QTMAN: variants seen among roughly 807,000 people sequenced by gnomAD.
The protein encoded by QTMAN is queuosine-tRNA mannosyltransferase, also known as tRNA-queuosine alpha-mannosyltransferase.
chr2:144,046,379 T>C, the QTMAN span, among the ~76,000 whole-genome samples: 1 of 152,230 alleles, frequency 6.6e-6, no homozygotes, highest in East Asian at 1.9e-4. Flanking sequence ...AGGTTAGATA[T>C]GATCCACTAT....
chr2:143,956,119 T>C, the QTMAN span, among the ~76,000 whole-genome samples: 1 of 152,230 alleles, frequency 6.6e-6, no homozygotes, highest in African/African-American at 2.4e-5. Flanking sequence ...GGATAACTTC[T>C]GTGTATCTGA....
chr2:143,949,546 A>G, the QTMAN span, among the ~76,000 whole-genome samples: 1 of 151,978 alleles, frequency 6.6e-6, no homozygotes, highest in South Asian at 2.1e-4. Flanking sequence ...TAAAAGGAAC[A>G]AATTAAAGAA....
the QTMAN span, among the ~76,000 whole-genome samples, chr2:144,026,396 C>T: frequency 1.3e-5 from 2 of 152,140 alleles, no homozygotes; most frequent in Non-Finnish European, 2.9e-5. Flanking sequence ...GACTGCACCA[C>T]TGCACTCCAG....
At chr2:143,943,322 T>A in the QTMAN span, 2 of 152,200 alleles carry the variant, frequency 1.3e-5, no homozygotes, top group Non-Finnish European at 2.9e-5. Context: ...AAGTCAGTGG[T>A]TTATAATATA....
At chr2:144,329,049 G>C in the QTMAN span, among the ~76,000 whole-genome samples, 6 of 151,944 alleles carry the variant, frequency 3.9e-5, no homozygotes, top group African/African-American at 1.5e-4. Flanking sequence ...AGACCAGCTT[G>C]GCCAACATGG....
the QTMAN span, among the ~76,000 whole-genome samples, chr2:143,994,155 G>A: frequency 6.6e-6 from 1 of 152,110 alleles, no homozygotes; most frequent in Non-Finnish European, 1.5e-5. Context: ...GGATAACAAG[G>A]AGATTTTACA....
chr2:144,042,597 C>A, the QTMAN span, among the ~76,000 whole-genome samples: 1 of 151,500 alleles, frequency 6.6e-6, no homozygotes, highest in East Asian at 2.0e-4. Context: ...CTACAAAAAA[C>A]AAACAAACAA....
chr2:144,058,427 T>A, the QTMAN span, among the ~76,000 whole-genome samples: 8,831 of 152,242 alleles, frequency 0.058, 861 homozygotes, highest in African/African-American at 0.2. Context: ...GTACTGCCTT[T>A]TTCTTAACCC....
At chr2:144,189,609 C>CTT in the QTMAN span, among the ~76,000 whole-genome samples, 2 of 151,996 alleles carry the variant, frequency 1.3e-5, no homozygotes, top group African/African-American at 4.8e-5. Flanking sequence ...ACTGCCTTCT[C>CTT]TTTTCTTTTT....
chr2:143,988,241 CAT>C, the QTMAN span, among the ~76,000 whole-genome samples: 2 of 152,208 alleles, frequency 1.3e-5, no homozygotes, highest in African/African-American at 4.8e-5. Context: ...GCCAGCATGA[CAT>C]AGGTGGTGCT....
the QTMAN span, among the ~76,000 whole-genome samples, chr2:144,305,313 T>G: frequency 6.6e-6 from 1 of 152,226 alleles, no homozygotes; most frequent in Admixed American, 6.5e-5. Flanking sequence ...TTTATTCTTT[T>G]GCTAGTGGAT....
At chr2:144,232,847 T>C in the QTMAN span, among the ~76,000 whole-genome samples, 2 of 152,178 alleles carry the variant, frequency 1.3e-5, no homozygotes, top group African/African-American at 2.4e-5. Flanking sequence ...AAATCATCTC[T>C]TTAAAATTCA....
chr2:144,203,456 C>T, the QTMAN span, among the ~76,000 whole-genome samples: 1 of 152,044 alleles, frequency 6.6e-6, no homozygotes, highest in Non-Finnish European at 1.5e-5. Context: ...AGAACTAGGC[C>T]GCGGTGTGTG....
At chr2:144,097,714 T>A in the QTMAN span, among the ~76,000 whole-genome samples, 2 of 152,158 alleles carry the variant, frequency 1.3e-5, no homozygotes, top group Non-Finnish European at 2.9e-5. Context: ...CAGCTTTAAG[T>A]CCTCTGTCAA....
chr2:144,316,679 AAT>A, the QTMAN span, among the ~76,000 whole-genome samples: 31 of 152,272 alleles, frequency 2.0e-4, no homozygotes, highest in African/African-American at 7.0e-4. Flanking sequence ...AATATTCGCA[AAT>A]ATGTCACTGC....
At chr2:143,994,984 T>C in the QTMAN span, among the ~76,000 whole-genome samples, 1 of 152,170 alleles carries the variant, frequency 6.6e-6, no homozygotes, top group Non-Finnish European at 1.5e-5. Flanking sequence ...AATCATATCT[T>C]TAAAACTATA....
the QTMAN span, among the ~76,000 whole-genome samples, chr2:144,289,029 CTTTTT>C: frequency 8.6e-6 from 1 of 115,970 alleles, no homozygotes; most frequent in African/African-American, 3.4e-5. Flanking sequence ...CAAGAAAATT[CTTTTT>C]TTTTTTTTTT....
the QTMAN span, among the ~76,000 whole-genome samples, chr2:144,099,896 T>G: frequency 2.6e-5 from 4 of 152,238 alleles, no homozygotes; most frequent in Admixed American, 6.5e-5. Context: ...TTAAGAGCTT[T>G]GTAAACTAGA....
chr2:144,060,733 G>C, the QTMAN span, among the ~76,000 whole-genome samples: 1 of 152,102 alleles, frequency 6.6e-6, no homozygotes, highest in Non-Finnish European at 1.5e-5. Context: ...TGGAGAAATT[G>C]TATGACTTGT....
Sources: gnomAD v4.1 joint callset for allele counts (sites outside exome capture counted in the v4.1 genomes callset) on GRCh38, gnomAD v4.1.1 for gene constraint, MANE v1.5 for transcripts, NCBI Gene and HGNC (gene_info 2026-07-23, HGNC 2026-07-21) for gene names.